Variants in CCNY observed in about 807,000 individuals in gnomAD.
The protein encoded by CCNY is cyclin Y.
Under a neutral mutation model 42.8 loss-of-function variants are expected in CCNY, and 19 were observed. The ratio of observed to expected loss-of-function variants is 0.44; its 90% CI spans 0.31 to 0.65. The LOEUF is 0.65. CCNY is among the 30% of genes least tolerant of loss of function. CCNY has a pLI of 0.07. For missense variants in CCNY, 370 were observed against 437.3 expected, an observed-to-expected ratio of 0.85 and a Z score of 1.37; for synonymous variants, 165 against 162.7, an observed-to-expected ratio of 1.01 and a Z score of -0.11.
At chr10:35,316,074 T>C (rs1265079163) in intron 3 of CCNY, among the ~76,000 whole-genome samples, 1 of 152,246 alleles carries the variant, frequency 6.6e-6, no homozygotes, top group Non-Finnish European at 1.5e-5. Flanking sequence ...TTTTTTCTGT[T>C]ATAAAATCTT....
chr10:35,328,160 C>T (rs373110203), intron 3 of CCNY, among the ~76,000 whole-genome samples: 37 of 152,254 alleles, frequency 2.4e-4, no homozygotes, highest in African/African-American at 8.2e-4. Flanking sequence ...GGCCCCCTAA[C>T]GGGCATTGAA....
rs149889465 is a variant in CCNY at position 35,299,347 on chromosome 10, A to G, written c.-9+48721A>G. 4.2e-3 allele frequency among the ~76,000 whole-genome samples: 636 copies of G among 152,358 alleles called. 2 individuals carry two copies. Among genetic ancestry groups the G allele is most frequent in the Non-Finnish European group, 6.8e-3 (463 of 68,028 alleles). ...AGTTTTCTGTCTGCTATTTCTATCA[A>G]TACAAGAGAAGGTGGTGAAATATGC... is the stretch of plus-strand genomic sequence containing the variant. On this transcript the variant is annotated intron_variant, in intron 3 of 11. Transcript: ENST00000374706.
At chr10:35,476,573 T>G (rs995159250) in intron 1 of CCNY, among the ~76,000 whole-genome samples, 2 of 151,542 alleles carry the variant, frequency 1.3e-5, no homozygotes, top group African/African-American at 4.9e-5. Context: ...AATAAAGATG[T>G]TCTTTGAAAC....
At chr10:35,319,502 A>G (rs1324872928) in intron 3 of CCNY, among the ~76,000 whole-genome samples, 1 of 152,214 alleles carries the variant, frequency 6.6e-6, no homozygotes, top group Non-Finnish European at 1.5e-5. Flanking sequence ...AAAAGATTAT[A>G]ATTATGTAAA....
intron 1 of CCNY, among the ~76,000 whole-genome samples, chr10:35,383,283 A>G (rs557262699): frequency 5.3e-5 from 8 of 152,168 alleles, no homozygotes; most frequent in African/African-American, 1.7e-4. Context: ...AGGAAATTGA[A>G]CTAGAAACTT....
rs112217443 is a variant in CCNY at position 35,375,795 on chromosome 10, A to G, written c.154+38588A>G. ...TCTATAGGTGAAGCAGGTTCTTAGC[A>G]TCAGGAAGGGAAAGGAGGCGAAGGC... On this transcript the variant is annotated intron_variant, in intron 1 of 9. Coordinates refer to ENST00000374704, the MANE Select transcript of CCNY (RefSeq NM_145012.6). 8.2e-3 allele frequency among the ~76,000 whole-genome samples: 1,256 copies of G among 152,306 alleles called. 20 individuals carry two copies. The highest frequency in any genetic ancestry group is 0.028 in the African/African-American group (1,182 of 41,556).
intron 1 of CCNY, among the ~76,000 whole-genome samples, chr10:35,387,980 C>T (rs1589082041): frequency 6.6e-6 from 1 of 152,104 alleles, no homozygotes; most frequent in East Asian, 1.9e-4. Context: ...GTTGAGTCAT[C>T]TCAAGTAAGT....
At chr10:35,384,221 A>T (rs1837254676) in intron 1 of CCNY, among the ~76,000 whole-genome samples, 1 of 152,202 alleles carries the variant, frequency 6.6e-6, no homozygotes, top group Non-Finnish European at 1.5e-5. Flanking sequence ...TAAAAAAAAC[A>T]TGGCATCACA....
At chr10:35,443,475 C>T (rs1838719408) in intron 1 of CCNY, among the ~76,000 whole-genome samples, 1 of 152,132 alleles carries the variant, frequency 6.6e-6, no homozygotes, top group South Asian at 2.1e-4. Flanking sequence ...CACAAACACA[C>T]ACATTAGCCA....
At chr10:35,283,053 C>T (rs1835315481) in intron 3 of CCNY, among the ~76,000 whole-genome samples, 1 of 152,144 alleles carries the variant, frequency 6.6e-6, no homozygotes, top group South Asian at 2.1e-4. Flanking sequence ...ATTGAGGGTA[C>T]AGTTCTTGAG....
intron 1 of CCNY, among the ~76,000 whole-genome samples, chr10:35,391,521 A>G (rs1263128447): frequency 6.6e-6 from 1 of 152,230 alleles, no homozygotes; most frequent in African/African-American, 2.4e-5. Flanking sequence ...CCTAGAAGCA[A>G]GTGGGCGATG....
chr10:35,447,469 T>A (rs1838818281), intron 1 of CCNY, among the ~76,000 whole-genome samples: 1 of 152,190 alleles, frequency 6.6e-6, no homozygotes, highest in Non-Finnish European at 1.5e-5. Flanking sequence ...CTTGAGACAG[T>A]GGGGTGATTA....
intron 3 of CCNY, among the ~76,000 whole-genome samples, chr10:35,312,513 G>T (rs1364080863): frequency 6.6e-6 from 1 of 151,784 alleles, no homozygotes; most frequent in Non-Finnish European, 1.5e-5. Flanking sequence ...GCACCACATG[G>T]ATCATTCCTG....
intron 8 of CCNY, among the ~76,000 whole-genome samples, chr10:35,559,388 C>T (rs1200642137): frequency 2.0e-5 from 3 of 152,090 alleles, no homozygotes; most frequent in Non-Finnish European, 2.9e-5. Context: ...TCTTGTTGCT[C>T]GTAGTATACT....
At chr10:35,497,305 C>G (rs1238088634) in intron 2 of CCNY, among the ~76,000 whole-genome samples, 1 of 152,208 alleles carries the variant, frequency 6.6e-6, no homozygotes, top group Non-Finnish European at 1.5e-5. Context: ...ATTGCTTATA[C>G]CATTACATAA....
At chr10:35,405,195 C>T (rs1190386319) in intron 1 of CCNY, among the ~76,000 whole-genome samples, 1 of 152,104 alleles carries the variant, frequency 6.6e-6, no homozygotes, top group African/African-American at 2.4e-5. Flanking sequence ...CTTTAAAAGG[C>T]CATGCTGTAA....
intron 3 of CCNY, among the ~76,000 whole-genome samples, chr10:35,303,188 CT>C (rs1320627378): frequency 1.3e-5 from 2 of 150,974 alleles, no homozygotes; most frequent in Non-Finnish European, 3.0e-5. Context: ...GATCCTGTTT[CT>C]TTTTTTTTGA....
intron 1 of CCNY, among the ~76,000 whole-genome samples, chr10:35,482,096 C>G (rs1013369955): frequency 3.2e-4 from 48 of 152,286 alleles, no homozygotes; most frequent in African/African-American, 1.2e-3. Flanking sequence ...GCCCAGTAGC[C>G]ATTGGCTGAT....
chr10:35,515,658 C>G (rs1246927634), intron 3 of CCNY, among the ~76,000 whole-genome samples: 1 of 152,172 alleles, frequency 6.6e-6, no homozygotes, highest in Non-Finnish European at 1.5e-5. Flanking sequence ...CACGTGGAAA[C>G]TTGTTTGCAT....
Sources: gnomAD v4.1 joint callset for allele counts (sites outside exome capture counted in the v4.1 genomes callset) on GRCh38, gnomAD v4.1.1 for gene constraint, MANE v1.5 for transcripts, NCBI Gene and HGNC (gene_info 2026-07-23, HGNC 2026-07-21) for gene names.